ERC2: variants seen among roughly 807,000 people sequenced by gnomAD.
ERC2 encodes ERC protein 2.
A neutral mutation model predicts 114.8 loss-of-function variants in ERC2; 42 were observed. The observed-to-expected ratio is 0.37, with a 90% CI of 0.29 to 0.47. ERC2 has a LOEUF of 0.47. Ranked by LOEUF, ERC2 falls within the 20% of genes least tolerant of loss-of-function variation. The pLI is 0.99. For missense variants in ERC2, 939 were observed against 1,150.7 expected (o/e 0.82, Z 2.66); for synonymous variants, 454 against 425.5 (o/e 1.07, Z -0.82).
chr3:56,088,096 G>C (rs2077599570), intron 6 of ERC2, among the ~76,000 whole-genome samples: 2 of 152,040 alleles, frequency 1.3e-5, no homozygotes, highest in Non-Finnish European at 2.9e-5. Flanking sequence ...ATCACTTCCT[G>C]TCTGTTCCAT....
At chr3:55,916,434 T>C (rs1161717919) in intron 13 of ERC2, among the ~76,000 whole-genome samples, 1 of 152,188 alleles carries the variant, frequency 6.6e-6, no homozygotes, top group African/African-American at 2.4e-5. Flanking sequence ...AAGATTCCAG[T>C]TGGTGTCAAA....
intron 14 of ERC2, among the ~76,000 whole-genome samples, chr3:55,758,245 T>A (rs2067186731): frequency 6.6e-6 from 1 of 152,202 alleles, no homozygotes; most frequent in Non-Finnish European, 1.5e-5. Context: ...AATTATTAAT[T>A]TCCAAAGGAT....
chr3:56,193,819 C>T (rs2047935307), intron 3 of ERC2, among the ~76,000 whole-genome samples: 1 of 152,158 alleles, frequency 6.6e-6, no homozygotes, highest in Admixed American at 6.5e-5. Context: ...AAGCCAAATT[C>T]CACAGCCCAA....
chr3:55,811,068 T>A (rs2059703087), intron 14 of ERC2, among the ~76,000 whole-genome samples: 1 of 152,192 alleles, frequency 6.6e-6, no homozygotes. Flanking sequence ...AGGTTCTATA[T>A]CTGCACTATC....
chr3:55,860,226 A>C (rs571445246), intron 14 of ERC2, among the ~76,000 whole-genome samples: 1 of 152,150 alleles, frequency 6.6e-6, no homozygotes, highest in African/African-American at 2.4e-5. Context: ...ATTTACTTGA[A>C]AGAGGAAAGA....
chr3:56,276,221 G>A lies in ERC2; in HGVS notation c.1074+19798C>T, dbSNP rs912726890. 2.0e-5 allele frequency among the ~76,000 whole-genome samples: 3 copies of A among 152,142 alleles called. No individual in the cohort carries two copies. The East Asian group carries it at 5.8e-4, about 29-fold the overall frequency. On this transcript the variant is annotated intron_variant, in intron 3 of 17. Coordinates refer to ENST00000288221, the MANE Select transcript of ERC2 (RefSeq NM_015576.3). ...GTTCCAGAAACTGCCCAGAGTTTCT[G>A]TAAGGTCCTTGTATCTTATCACTGG...
chr3:56,401,960 G>A (rs1012108127), intron 2 of ERC2, among the ~76,000 whole-genome samples: 23 of 152,152 alleles, frequency 1.5e-4, no homozygotes, highest in Admixed American at 1.3e-3. Flanking sequence ...AAGGCAAAGG[G>A]GAAGCAAGAC....
At chr3:56,380,564 G>A (rs561123436) in intron 2 of ERC2, among the ~76,000 whole-genome samples, 74 of 152,090 alleles carry the variant, frequency 4.9e-4, no homozygotes, top group Middle Eastern at 3.4e-3. Context: ...TCAGGAAATA[G>A]GCATGGTATG....
chr3:55,916,868 T>C (rs1183017872), intron 13 of ERC2, among the ~76,000 whole-genome samples: 1 of 152,176 alleles, frequency 6.6e-6, no homozygotes, highest in East Asian at 1.9e-4. Flanking sequence ...TCCTAGTACC[T>C]GGAATAGTAT....
At chr3:55,715,405 T>A (rs1209504194) in intron 15 of ERC2, among the ~76,000 whole-genome samples, 1 of 152,196 alleles carries the variant, frequency 6.6e-6, no homozygotes, top group Non-Finnish European at 1.5e-5. Flanking sequence ...AGAAAATATC[T>A]TTTAATAATA....
intron 13 of ERC2, among the ~76,000 whole-genome samples, chr3:55,902,274 C>T (rs2064177924): frequency 6.6e-6 from 1 of 152,112 alleles, no homozygotes; most frequent in Admixed American, 6.6e-5. Context: ...TTATTTAAAA[C>T]ATTTTATAGG....
At chr3:55,899,205 G>A (rs1465622600) in intron 13 of ERC2, among the ~76,000 whole-genome samples, 1 of 151,972 alleles carries the variant, frequency 6.6e-6, no homozygotes, top group East Asian at 1.9e-4. Flanking sequence ...TTTGGTCACG[G>A]GAAACAAACA....
At chr3:55,581,081 A>G (rs1478988121) in intron 17 of ERC2, among the ~76,000 whole-genome samples, 1 of 152,114 alleles carries the variant, frequency 6.6e-6, no homozygotes, top group Non-Finnish European at 1.5e-5. Context: ...CAGGAGCCCA[A>G]ATGTGCTCCT....
At chr3:55,808,948 C>T (rs1212166473) in intron 14 of ERC2, among the ~76,000 whole-genome samples, 3 of 151,292 alleles carry the variant, frequency 2.0e-5, no homozygotes, top group Non-Finnish European at 4.4e-5. Context: ...TATTTATTAA[C>T]TTCACTTAGT....
chr3:55,929,632 T>C (rs1203318881), intron 13 of ERC2, among the ~76,000 whole-genome samples: 2 of 152,234 alleles, frequency 1.3e-5, no homozygotes, highest in Non-Finnish European at 2.9e-5. Context: ...TTTGTATTTG[T>C]GTCCCCACCC....
At chr3:55,619,092 A>T (rs961054641) in intron 17 of ERC2, among the ~76,000 whole-genome samples, 3 of 152,228 alleles carry the variant, frequency 2.0e-5, no homozygotes, top group Non-Finnish European at 4.4e-5. Flanking sequence ...CATGGTACAA[A>T]TGTCGAGGAC....
intron 2 of ERC2, among the ~76,000 whole-genome samples, chr3:56,429,038 A>G (rs567268868): frequency 6.6e-6 from 1 of 152,242 alleles, no homozygotes; most frequent in Non-Finnish European, 1.5e-5. Flanking sequence ...TACAACGTTA[A>G]CAATTGCACA....
chr3:56,290,323 T>C (rs1369647244), intron 3 of ERC2, among the ~76,000 whole-genome samples: 5 of 152,232 alleles, frequency 3.3e-5, no homozygotes, highest in Non-Finnish European at 7.3e-5. Context: ...CAATATTTAT[T>C]GAGCAGCTAC....
intron 14 of ERC2, among the ~76,000 whole-genome samples, chr3:55,829,099 C>G (rs1446626859): frequency 1.3e-5 from 2 of 152,132 alleles, no homozygotes; most frequent in Non-Finnish European, 2.9e-5. Context: ...TCACTGTACT[C>G]CAGCCTGGGC....
Sources: allele counts gnomAD v4.1 joint callset (sites outside exome capture counted in the v4.1 genomes callset), GRCh38; gene constraint gnomAD v4.1.1; transcripts MANE v1.5; gene names NCBI Gene and HGNC (gene_info 2026-07-23, HGNC 2026-07-21).